Variants in DOCK3 observed in about 807,000 individuals in gnomAD.
DOCK3 encodes the protein dedicator of cytokinesis protein 3.
DOCK3 carries 60 observed loss-of-function variants against 265.6 expected under a neutral mutation model. The ratio of observed to expected loss-of-function variants is 0.23; its 90% CI spans 0.18 to 0.28. DOCK3 has a LOEUF of 0.28. Among genes scored for constraint, DOCK3 ranks in the 10% least tolerant of loss-of-function variants. The pLI is 1.00. For synonymous variants in DOCK3, 881 were observed against 938.0 expected, an observed-to-expected ratio of 0.94 and a Z score of 1.11; for missense variants, 1,981 against 2,594.3, an observed-to-expected ratio of 0.76 and a Z score of 5.14.
chr3:50,814,747 T>A (rs1350094286), intron 2 of DOCK3, among the ~76,000 whole-genome samples: 2 of 152,172 alleles, frequency 1.3e-5, no homozygotes, highest in African/African-American at 4.8e-5. Flanking sequence ...AGAAGTCAAA[T>A]TTTTTTAGTT....
chr3:50,807,077 C>G (rs1247332834), intron 2 of DOCK3, among the ~76,000 whole-genome samples: 1 of 152,162 alleles, frequency 6.6e-6, no homozygotes, highest in African/African-American at 2.4e-5. Context: ...CTTTACACTG[C>G]ATTCTTCGGA....
chr3:51,325,043 G>A (rs2084002619), intron 32 of DOCK3, among the ~76,000 whole-genome samples: 2 of 152,088 alleles, frequency 1.3e-5, no homozygotes, highest in African/African-American at 4.8e-5. Context: ...AAAAGCAATA[G>A]CAACAAAAGC....
rs987909654 is a variant in DOCK3 at position 51,309,401 on chromosome 3, G to A, written c.2923-831G>A. On this transcript the variant is annotated intron_variant, in intron 27 of 52. Coordinates refer to ENST00000266037, the MANE Select transcript of DOCK3 (RefSeq NM_004947.5). The stretch of plus-strand genomic sequence containing the variant: ...GCTGGAGACCAGCCCGGCCAACCCA[G>A]CGAAACCCCGTCTCCACCAAAAAAA... 3.0e-4 allele frequency among the ~76,000 whole-genome samples: 46 copies of A among 152,340 alleles called. 2 individuals are homozygous for A. Among genetic ancestry groups the A allele is most frequent in the Middle Eastern group, 6.8e-3 (2 of 294 alleles).
intron 1 of DOCK3, among the ~76,000 whole-genome samples, chr3:50,706,289 CGTT>C (rs1356424376): frequency 1.3e-5 from 2 of 152,104 alleles, no homozygotes; most frequent in African/African-American, 4.8e-5. Flanking sequence ...CCAGTATAGT[CGTT>C]AATGAATTGT....
chr3:51,320,094 A>G (rs1251699564), intron 32 of DOCK3, among the ~76,000 whole-genome samples: 1 of 152,142 alleles, frequency 6.6e-6, no homozygotes, highest in Non-Finnish European at 1.5e-5. Flanking sequence ...AAGGCGGGTG[A>G]TTCCTGCATT....
chr3:51,307,796 T>A (rs570512547), intron 27 of DOCK3, among the ~76,000 whole-genome samples: 14 of 152,164 alleles, frequency 9.2e-5, no homozygotes, highest in Non-Finnish European at 1.6e-4. Context: ...AGATTTTCCT[T>A]ATAATTTTTT....
intron 2 of DOCK3, among the ~76,000 whole-genome samples, chr3:50,812,616 C>T (rs1469607657): frequency 1.3e-5 from 2 of 152,196 alleles, no homozygotes; most frequent in African/African-American, 4.8e-5. Flanking sequence ...CAAAGAGAAT[C>T]AGGCAGGCAG....
intron 32 of DOCK3, 25 bp downstream of exon 32, chr3:51,315,153 G>T: frequency 1.3e-6 from 2 of 1,575,320 alleles, no homozygotes; most frequent in Non-Finnish European, 1.7e-6. Flanking sequence ...AGTGTTCGGG[G>T]TATTCTCTGG....
intron 1 of DOCK3, among the ~76,000 whole-genome samples, chr3:50,743,406 T>A (rs3950916): frequency 0.91 from 135,460 of 149,634 alleles, 61,484 homozygotes; most frequent in African/African-American, 0.95. Context: ...GGCAAATTGG[T>A]TAAAGAGTCA....
rs145598500 is a variant in DOCK3, at chr3:51,359,764, G to A, written c.4885-747G>A. ...TCTGTATGCTTTGGAAGAAGCAGGT[G>A]GAAAACCCGGTGCTTCTTCACACCA... is the stretch of plus-strand genomic sequence containing the variant. On this transcript the variant is annotated intron_variant, in intron 46 of 52. Coordinates refer to ENST00000266037, the MANE Select transcript of DOCK3 (RefSeq NM_004947.5). This position sits in a 1 kb window ranked among gnomAD's most constrained non-coding sequence, Gnocchi z 4.8. 1.0e-3 allele frequency among the ~76,000 whole-genome samples: 156 copies of A among 152,284 alleles called. 1 individual carries two copies. Among genetic ancestry groups the A allele is most frequent in the Non-Finnish European group, 1.4e-3 (93 of 68,020 alleles).
intron 14 of DOCK3, among the ~76,000 whole-genome samples, chr3:51,220,914 A>G (rs909521941): frequency 1.1e-4 from 16 of 151,926 alleles, no homozygotes; most frequent in Non-Finnish European, 2.1e-4. Context: ...TTGGCCCCAA[A>G]TTCCAAGTAG....
chr3:51,333,675 A>G (rs2084678067), intron 35 of DOCK3, among the ~76,000 whole-genome samples: 1 of 152,124 alleles, frequency 6.6e-6, no homozygotes, highest in Non-Finnish European at 1.5e-5. Flanking sequence ...TATCACCTGG[A>G]GGACTTGAAG....
intron 2 of DOCK3, among the ~76,000 whole-genome samples, chr3:50,805,295 G>A (rs1484732042): frequency 6.6e-6 from 1 of 152,186 alleles, no homozygotes; most frequent in Non-Finnish European, 1.5e-5. Flanking sequence ...CCTAGGCTGA[G>A]AGAGTTTGTG....
chr3:51,053,096 T>TATATATATATATATAG (rs1559994053), intron 5 of DOCK3, among the ~76,000 whole-genome samples: 1 of 84,944 alleles, frequency 1.2e-5, no homozygotes, highest in East Asian at 3.5e-4. Flanking sequence ...TATATATATA[T>TATATATATATATATAG]ATATATATAT....
intron 12 of DOCK3, among the ~76,000 whole-genome samples, chr3:51,164,161 A>G (rs1329926297): frequency 1.3e-5 from 2 of 152,324 alleles, no homozygotes; most frequent in East Asian, 1.9e-4. Flanking sequence ...CAATTTGGTG[A>G]TCATACCCCA....
At chr3:50,960,043 A>G (rs545792264) in intron 5 of DOCK3, among the ~76,000 whole-genome samples, 2 of 152,320 alleles carry the variant, frequency 1.3e-5, no homozygotes, top group African/African-American at 4.8e-5. Context: ...TCATTGCATG[A>G]AATCAGTAGT....
chr3:51,061,618 C>T (rs2081413336), intron 5 of DOCK3, among the ~76,000 whole-genome samples: 2 of 151,902 alleles, frequency 1.3e-5, no homozygotes, highest in South Asian at 4.2e-4. Flanking sequence ...CATTAAATGA[C>T]AAGTTACTGG....
chr3:50,719,220 A>G (rs1286452584), intron 1 of DOCK3, among the ~76,000 whole-genome samples: 2 of 149,014 alleles, frequency 1.3e-5, no homozygotes, highest in African/African-American at 4.9e-5. Context: ...TTACATGTCT[A>G]TTATACTCTT....
intron 5 of DOCK3, among the ~76,000 whole-genome samples, chr3:51,014,129 G>A (rs927186381): frequency 1.3e-5 from 2 of 152,122 alleles, no homozygotes; most frequent in Non-Finnish European, 2.9e-5. Context: ...CCTGGGTGGG[G>A]CAGTGCCCCA....
Sources: gnomAD v4.1 joint callset for allele counts (sites outside exome capture counted in the v4.1 genomes callset) on GRCh38, gnomAD v4.1.1 for gene constraint, Gnocchi (gnomAD v3.1) non-coding constraint, MANE v1.5 for transcripts, NCBI Gene and HGNC (gene_info 2026-07-23, HGNC 2026-07-21) for gene names.